KDM3B: variants seen among roughly 807,000 people sequenced by gnomAD.
KDM3B encodes the protein lysine-specific demethylase 3B.
Under a neutral mutation model 170.0 loss-of-function variants are expected in KDM3B, and 10 were observed. The observed-to-expected ratio is 0.06, with a 90% confidence interval of 0.04 to 0.10. KDM3B has a LOEUF of 0.10. Ranked by LOEUF, KDM3B falls within the 10% of genes least tolerant of loss-of-function variation. The pLI is 1.00. For missense variants in KDM3B, 1,394 were observed against 2,195.2 expected (o/e 0.64, Z 7.29); for synonymous variants, 831 against 834.8 (o/e 1.00, Z 0.08).
intron 9 of KDM3B, among the ~76,000 whole-genome samples, chr5:138,394,889 G>A (rs542232884): frequency 3.9e-5 from 6 of 152,280 alleles, no homozygotes; most frequent in African/African-American, 1.2e-4. Context: ...CTTGGACCAC[G>A]GAGATAGTGA....
chr5:138,413,896 G>A (rs750888905), intron 11 of KDM3B, among the ~76,000 whole-genome samples: 6 of 152,114 alleles, frequency 3.9e-5, no homozygotes, highest in Non-Finnish European at 7.4e-5. Context: ...TGGTATTACA[G>A]GTGTAAGCCA....
At chr5:138,388,636 G>A (rs1163284999) in intron 7 of KDM3B, among the ~76,000 whole-genome samples, 3 of 107,796 alleles carry the variant, frequency 2.8e-5, no homozygotes, top group East Asian at 3.1e-4. Flanking sequence ...GCGAGACTCC[G>A]TCTTTAAAAA....
rs575115487 is a variant in KDM3B at position 138,424,462 on chromosome 5, C to T, written c.4239+121C>T. Reference sequence around the variant, plus strand: ...AGACATAGTGAGGTTATTGTAATAGCCTTGCTACTTCGAGTTGTCTTGGAT... The same window carrying T: ...AGACATAGTGAGGTTATTGTAATAGTCTTGCTACTTCGAGTTGTCTTGGAT... On this transcript the variant is annotated intron_variant, in intron 16 of 23. Transcript: ENST00000314358. The T allele has an allele frequency of 8.9e-5, 103 of 1,158,644 alleles. 2 individuals carry two copies. The Admixed American group carries it at 2.2e-3, about 25-fold the overall frequency. 71.8% of individuals were successfully genotyped at this position (1,158,644 alleles called of 1,614,324 possible). A position where few individuals can be genotyped will look rare whatever the true frequency, so the allele number is the denominator to read the frequency against.
intron 19 of KDM3B, among the ~76,000 whole-genome samples, chr5:138,427,524 A>G (rs1029208317): frequency 3.3e-5 from 5 of 152,222 alleles, no homozygotes; most frequent in Non-Finnish European, 7.3e-5. Flanking sequence ...CCATAAGCTT[A>G]CATGTCTCCA....
chr5:138,432,946 G>A (rs1318295796), intron 23 of KDM3B, among the ~76,000 whole-genome samples: 3 of 151,542 alleles, frequency 2.0e-5, no homozygotes, highest in Non-Finnish European at 2.9e-5. Context: ...GGGTTTCACT[G>A]TGTTAGCCAG....
intron 3 of KDM3B, 138 bp downstream of exon 3, chr5:138,375,344 T>C (rs992107274): frequency 1.6e-5 from 6 of 381,364 alleles, no homozygotes; most frequent in Non-Finnish European, 2.3e-5. Context: ...CCAATAAATA[T>C]GCTGTGCCTT....
chr5:138,387,610 G>A lies in KDM3B; in HGVS notation c.1380+989G>A, dbSNP rs189297134. On this transcript the variant is annotated intron_variant, in intron 7 of 23. Transcript: ENST00000314358. The stretch of plus-strand genomic sequence containing the variant: ...CAAGTGCAGATTGTTAATCCCTAGT[G>A]TGCAGGGATAGGGAGGGAGAGGAAA... Among the ~76,000 whole-genome samples, 159 of 152,308 alleles carry A rather than the reference G, an allele frequency of 1.0e-3. 3 individuals are homozygous for A. The South Asian group carries it at 0.018, about 18-fold the overall frequency.
chr5:138,414,353 G>A (rs1008429784), intron 11 of KDM3B, among the ~76,000 whole-genome samples: 3 of 152,032 alleles, frequency 2.0e-5, no homozygotes, highest in African/African-American at 7.2e-5. Flanking sequence ...TTTTAGTAGA[G>A]ACAGGGTTTC....
intron 11 of KDM3B, among the ~76,000 whole-genome samples, chr5:138,407,314 T>C (rs1762848823): frequency 6.6e-6 from 1 of 152,122 alleles, no homozygotes; most frequent in South Asian, 2.1e-4. Flanking sequence ...AGCTTAGATA[T>C]AATGGACAAA....
chr5:138,377,696 G>T, intron 3 of KDM3B, 24 bp from the exon 4 acceptor site: 1 of 1,527,348 alleles, frequency 6.5e-7, no homozygotes, highest in Non-Finnish European at 9.1e-7. Flanking sequence ...ACATTCAGTT[G>T]TTTTCTTCTT....
chr5:138,402,994 A>G (rs1762728275), intron 11 of KDM3B, among the ~76,000 whole-genome samples: 1 of 152,218 alleles, frequency 6.6e-6, no homozygotes, highest in Non-Finnish European at 1.5e-5. Flanking sequence ...TCAAAGCCCA[A>G]GATGGAACCT....
chr5:138,405,410 G>A (rs1762791999), intron 11 of KDM3B, among the ~76,000 whole-genome samples: 1 of 152,158 alleles, frequency 6.6e-6, no homozygotes, highest in Admixed American at 6.5e-5. Flanking sequence ...GGGAGGTTGA[G>A]GTGGGAGGAT....
At chr5:138,383,881 C>T (rs189425674) in intron 6 of KDM3B, among the ~76,000 whole-genome samples, 13 of 150,292 alleles carry the variant, frequency 8.6e-5, no homozygotes, top group African/African-American at 2.2e-4. Context: ...ACACAGGAGG[C>T]GGAGGTTGCA....
intron 11 of KDM3B, among the ~76,000 whole-genome samples, chr5:138,409,248 G>T (rs1366025577): frequency 6.6e-6 from 1 of 152,120 alleles, no homozygotes; most frequent in African/African-American, 2.4e-5. Flanking sequence ...AGATTGGAAA[G>T]AAGTAAAATG....
chr5:138,363,277 G>A (rs567282385), intron 1 of KDM3B, among the ~76,000 whole-genome samples: 2 of 152,074 alleles, frequency 1.3e-5, no homozygotes, highest in Non-Finnish European at 2.9e-5. Context: ...GTTCACTTCC[G>A]ATTTATTACG....
chr5:138,396,936 T>C (rs540607698), intron 9 of KDM3B, among the ~76,000 whole-genome samples: 6 of 152,090 alleles, frequency 3.9e-5, no homozygotes, highest in Non-Finnish European at 7.4e-5. Flanking sequence ...CTATAATCCC[T>C]ACACTTTGGA....
At chr5:138,401,622 TTGAGTATATATA>T (rs1762696817) in intron 11 of KDM3B, among the ~76,000 whole-genome samples, 1 of 152,244 alleles carries the variant, frequency 6.6e-6, no homozygotes, top group African/African-American at 2.4e-5. Flanking sequence ...TGCATTTCTC[TTGAGTATATATA>T]TACATGTAGG....
At chr5:138,396,052 T>C (rs1422067826) in intron 9 of KDM3B, among the ~76,000 whole-genome samples, 1 of 152,094 alleles carries the variant, frequency 6.6e-6, no homozygotes, top group Non-Finnish European at 1.5e-5. Flanking sequence ...AATTGCCTGA[T>C]TGTAGGGAAG....
intron 10 of KDM3B, among the ~76,000 whole-genome samples, chr5:138,399,185 G>A (rs1053501754): frequency 8.6e-5 from 13 of 151,678 alleles, no homozygotes; most frequent in Middle Eastern, 3.4e-3. Context: ...ACCGCGCCCG[G>A]CCCTGTATCC....
Sources: allele counts gnomAD v4.1 joint callset (sites outside exome capture counted in the v4.1 genomes callset), GRCh38; gene constraint gnomAD v4.1.1; transcripts MANE v1.5; gene names NCBI Gene and HGNC (gene_info 2026-07-23, HGNC 2026-07-21).